Variants in C14orf39 observed in about 807,000 individuals in gnomAD.
C14orf39 encodes protein SIX6OS1.
C14orf39 carries 66 observed loss-of-function variants against 85.6 expected under a neutral mutation model. That is an observed-to-expected ratio of 0.77 (90% CI 0.63 to 0.95). The LOEUF is 0.95. Ranked by LOEUF, C14orf39 falls within the 40% of genes least tolerant of loss-of-function variation. The pLI, the probability that C14orf39 is intolerant of heterozygous loss-of-function variation, is 0.00. For missense variants in C14orf39, 735 were observed against 663.9 expected, an observed-to-expected ratio of 1.11 and a Z score of -1.18; for synonymous variants, 242 against 214.0, an observed-to-expected ratio of 1.13 and a Z score of -1.14.
intron 1 of C14orf39, among the ~76,000 whole-genome samples, chr14:60,504,156 G>A (rs1401765680): frequency 6.6e-6 from 1 of 152,214 alleles, no homozygotes; most frequent in Non-Finnish European, 1.5e-5. Flanking sequence ...CCTCAGTTGA[G>A]AATTGCTGCT....
At chr14:60,469,088 C>T (rs1269245441) in intron 8 of C14orf39, among the ~76,000 whole-genome samples, 1 of 151,288 alleles carries the variant, frequency 6.6e-6, no homozygotes, top group Admixed American at 6.6e-5. Flanking sequence ...AAAGGCTAAA[C>T]TAGTTCTAGC....
chr14:60,488,719 T>C (rs1455087294), upstream of C14orf39, among the ~76,000 whole-genome samples: 2 of 152,202 alleles, frequency 1.3e-5, no homozygotes, highest in Non-Finnish European at 2.9e-5. Flanking sequence ...CATTTCCTAA[T>C]TGACCTTTTC....
chr14:60,477,456 TATA>T (rs1310459283), intron 5 of C14orf39, among the ~76,000 whole-genome samples: 1 of 152,238 alleles, frequency 6.6e-6, no homozygotes, highest in Non-Finnish European at 1.5e-5. Context: ...TTTTATGCTA[TATA>T]ATGTGTTCAA....
At chr14:60,464,856 T>G (rs1399319253) in intron 11 of C14orf39, among the ~76,000 whole-genome samples, 1 of 152,118 alleles carries the variant, frequency 6.6e-6, no homozygotes, top group Non-Finnish European at 1.5e-5. Context: ...TGTTCAGAAC[T>G]ATTTCTGGCA....
chr14:60,479,504 T>C (rs1388426131), intron 4 of C14orf39, among the ~76,000 whole-genome samples: 1 of 152,108 alleles, frequency 6.6e-6, no homozygotes, highest in Non-Finnish European at 1.5e-5. Context: ...AATATAACTA[T>C]CTCATAAACT....
Position 60,467,057 on chromosome 14 carries a change from G to A in C14orf39, c.768-13C>T, listed in dbSNP as rs1891829012. 1 of 1,239,918 alleles carries A rather than the reference G, an allele frequency of 8.1e-7. No homozygotes were observed. Among genetic ancestry groups the A allele is most frequent in the Non-Finnish European group, 1.1e-6 (1 of 938,950 alleles). The allele number at this position is 1,239,918 out of a possible 1,614,324, so 76.8% of individuals were successfully genotyped here. A position where few individuals can be genotyped will look rare whatever the true frequency, so the allele number is the denominator to read the frequency against. ...TTTTCCAAAAATTCTAAAGAGAAAG[G>A]TGAATTACATTAAATATTAGATAAG... On this transcript the variant is annotated splice_polypyrimidine_tract_variant and intron_variant, in intron 9 of 17. Transcript: ENST00000321731.
At chr14:60,453,670 A>C (rs1365041613) in intron 16 of C14orf39, among the ~76,000 whole-genome samples, 1 of 151,380 alleles carries the variant, frequency 6.6e-6, no homozygotes, top group Non-Finnish European at 1.5e-5. Context: ...ATTTCGTTTT[A>C]ATTTATCATC....
chr14:60,476,824 A>G lies in C14orf39; in HGVS notation c.323+1476T>C, dbSNP rs1299578533. Among the ~76,000 whole-genome samples, 6 of 152,080 alleles carry G rather than the reference A, an allele frequency of 3.9e-5. No homozygotes were observed. The East Asian group carries it at 1.2e-3, about 29-fold the overall frequency. On this transcript the variant is annotated intron_variant, in intron 5 of 17. Transcript: ENST00000321731. ...AGGACCCAGAGGAGAAATTTCTCTC[A>G]AACCTCAGGAAAAGCCTCTACTTAT...
At chr14:60,478,178 C>CAAAAAA (rs71435508) in intron 5 of C14orf39, 122 bp downstream of exon 5, 22 of 90,076 alleles carry the variant, frequency 2.4e-4, no homozygotes, top group East Asian at 7.8e-4. Flanking sequence ...GACTCCATCT[C>CAAAAAA]AAAAAAAAAA....
At chr14:60,459,612 G>A (rs1044486556) in intron 13 of C14orf39, among the ~76,000 whole-genome samples, 6 of 151,684 alleles carry the variant, frequency 4.0e-5, no homozygotes, top group Admixed American at 3.3e-4. Context: ...AATAGTTTAT[G>A]GAGAATTCCT....
rs1247511033 is a variant in C14orf39, at chr14:60,442,104, G to T, written c.1531C>A (p.Leu511Ile). The T allele has an allele frequency of 1.2e-6, 2 of 1,610,016 alleles. No individual in the cohort carries two copies. The highest frequency in any genetic ancestry group is 3.3e-5 in the Admixed American group (2 of 59,846). ...QFNEHYSARNLNPLSSEQEIG... is the reference protein window; with the variant it reads ...QFNEHYSARNINPLSSEQEIG... ...TCTTGCTCTGATGACAGAGGATTTA[G>T]ATTTCTTGCAGAATAATGTTCATTA... Residue 511 changes from leucine (L) to isoleucine (I), a missense_variant, in exon 17 of 18, where the codon CTA (leucine) becomes ATA (isoleucine). Leu to Ile is a conservative substitution (Grantham distance 5, BLOSUM62 2). Transcript: ENST00000321731.
At position 60,485,107 on chromosome 14, in the gene C14orf39, A is replaced by G. The variant is rs751077909; in HGVS notation, c.-8-21T>C. Reference sequence around the variant, plus strand: ...GGATACTATGTTAAATGAAAAAAAAAATTATAAGATTTTCTGAAGTCGTAT... The same window carrying G: ...GGATACTATGTTAAATGAAAAAAAAGATTATAAGATTTTCTGAAGTCGTAT... On this transcript the variant is annotated intron_variant, in intron 1 of 17. Transcript: ENST00000321731. 3.2e-6 allele frequency: 5 copies of G among 1,580,148 alleles called. No homozygotes were observed. The African/African-American group carries it at 6.9e-5, about 22-fold the overall frequency.
At chr14:60,512,874 T>C (rs1566692282) in intron 1 of C14orf39, 1 of 152,250 alleles carries the variant, frequency 6.6e-6, no homozygotes, top group Non-Finnish European at 1.5e-5. Context: ...CTTCCCTCTT[T>C]ACTGTCCCCA....
intron 2 of C14orf39, chr14:60,495,833 A>G (rs1313919353): frequency 6.7e-6 from 2 of 297,746 alleles, no homozygotes; most frequent in African/African-American, 4.3e-5. Flanking sequence ...GAGGTGTTCC[A>G]TGGCTTCCTT....
chr14:60,455,742 ATTCTGTTTCCTC>A (rs1891244449), intron 15 of C14orf39, among the ~76,000 whole-genome samples: 1 of 152,108 alleles, frequency 6.6e-6, no homozygotes, highest in Admixed American at 6.6e-5. Context: ...ATCACCTGTG[ATTCTGTTTCCTC>A]TTCTGTAAAA....
chr14:60,449,706 C>A (rs1008035927), intron 16 of C14orf39, among the ~76,000 whole-genome samples: 2 of 152,114 alleles, frequency 1.3e-5, no homozygotes, highest in Non-Finnish European at 2.9e-5. Flanking sequence ...TTCCATTTCA[C>A]TGATTTCTCT....
At chr14:60,498,760 G>C (rs1449814060) in intron 2 of C14orf39, among the ~76,000 whole-genome samples, 1 of 152,060 alleles carries the variant, frequency 6.6e-6, no homozygotes, top group African/African-American at 2.4e-5. Flanking sequence ...AAAAACATTA[G>C]AATAAATGAC....
At chr14:60,464,135 T>A (rs867784704) in intron 11 of C14orf39, among the ~76,000 whole-genome samples, 1 of 152,200 alleles carries the variant, frequency 6.6e-6, no homozygotes, top group Non-Finnish European at 1.5e-5. Flanking sequence ...CAGCTAGCCC[T>A]TCTCCCCTTT....
At chr14:60,441,989 C>A in intron 17 of C14orf39, 85 bp downstream of exon 17, 2 of 821,832 alleles carry the variant, frequency 2.4e-6, no homozygotes. Context: ...ATAAATTGAG[C>A]ACCTAAGAAA....
Sources: gnomAD v4.1 joint callset for allele counts (sites outside exome capture counted in the v4.1 genomes callset) on GRCh38, gnomAD v4.1.1 for gene constraint, MANE v1.5 for transcripts, NCBI Gene and HGNC (gene_info 2026-07-23, HGNC 2026-07-21) for gene names.